Variants in FAT3 observed in about 807,000 individuals in gnomAD.
FAT3 encodes the protein protocadherin Fat 3.
Under a neutral mutation model 310.2 loss-of-function variants are expected in FAT3, and 95 were observed. The ratio of observed to expected loss-of-function variants is 0.31; its 90% CI spans 0.26 to 0.36. The LOEUF is 0.36. FAT3 is among the 10% of genes least tolerant of loss of function. The probability of loss-of-function intolerance (pLI) is 1.00; values close to 1 mark genes in which losing one functional copy is unlikely to be tolerated. For missense variants in FAT3, 5,408 were observed against 5,715.6 expected (o/e 0.95, Z 1.74); for synonymous variants, 2,314 against 2,192.9 (o/e 1.06, Z -1.54).
chr11:92,751,907 C>A (rs12224427), intron 4 of FAT3, among the ~76,000 whole-genome samples: 1 of 151,852 alleles, frequency 6.6e-6, no homozygotes, highest in Non-Finnish European at 1.5e-5. Flanking sequence ...TAAGCCTCAC[C>A]GTCTCCAGCT....
At chr11:92,244,614 T>C (rs573377636) in intron 1 of FAT3, among the ~76,000 whole-genome samples, 1 of 152,234 alleles carries the variant, frequency 6.6e-6, no homozygotes, top group African/African-American at 2.4e-5. Context: ...GGTGATTGTA[T>C]AGACCAGTAA....
intron 1 of FAT3, among the ~76,000 whole-genome samples, chr11:92,241,374 A>G (rs560959599): frequency 6.6e-6 from 1 of 152,188 alleles, no homozygotes; most frequent in Non-Finnish European, 1.5e-5. Context: ...ACACTTAATT[A>G]TATGCCAAGA....
chr11:92,864,909 A>T (rs1949200271), intron 21 of FAT3, among the ~76,000 whole-genome samples: 1 of 152,246 alleles, frequency 6.6e-6, no homozygotes, highest in Non-Finnish European at 1.5e-5. Context: ...CATTTGCATG[A>T]CAGAGCAAAG....
intron 1 of FAT3, among the ~76,000 whole-genome samples, chr11:92,320,875 A>C (rs902422507): frequency 7.5e-6 from 1 of 133,488 alleles, no homozygotes; most frequent in Admixed American, 7.0e-5. Context: ...ATCTCAAAAA[A>C]AAAAAGGGGG....
At chr11:92,514,098 T>G (rs923954657) in intron 2 of FAT3, among the ~76,000 whole-genome samples, 4 of 152,202 alleles carry the variant, frequency 2.6e-5, no homozygotes, top group African/African-American at 7.2e-5. Context: ...GTACACATTT[T>G]TTTCTAATAC....
chr11:92,648,442 G>C (rs940957265), intron 3 of FAT3, among the ~76,000 whole-genome samples: 3 of 152,158 alleles, frequency 2.0e-5, no homozygotes, highest in African/African-American at 7.2e-5. Context: ...TTTGGCAGTT[G>C]ATGACTCTCA....
chr11:92,335,946 TCAGAC>T, intron 1 of FAT3: 7 of 361,588 alleles, frequency 1.9e-5, no homozygotes, highest in Middle Eastern at 9.2e-4. Context: ...GATTTTTTTT[TCAGAC>T]TTTCAGCCCC....
At chr11:92,312,480 A>T (rs2134460015) in intron 1 of FAT3, among the ~76,000 whole-genome samples, 1 of 152,300 alleles carries the variant, frequency 6.6e-6, no homozygotes, top group East Asian at 1.9e-4. Flanking sequence ...TCACCCTTAA[A>T]AGGCTAATAG....
intron 1 of FAT3, among the ~76,000 whole-genome samples, chr11:92,340,188 C>T (rs1368586585): frequency 6.8e-6 from 1 of 146,772 alleles, no homozygotes; most frequent in African/African-American, 2.5e-5. Flanking sequence ...CAGTTTTGGT[C>T]TTTATTATCC....
intron 6 of FAT3, among the ~76,000 whole-genome samples, chr11:92,768,537 T>C (rs1275446285): frequency 3.3e-5 from 5 of 152,222 alleles, no homozygotes; most frequent in African/African-American, 1.2e-4. Context: ...AAATACCTAT[T>C]GTTTCCTTTA....
rs184783897 is a variant in FAT3, at chr11:92,254,830, C to T, written c.-18+29656C>T. 1.3e-4 allele frequency among the ~76,000 whole-genome samples: 20 copies of T among 152,142 alleles called. No homozygotes were observed. The East Asian group carries it at 3.1e-3, about 24-fold the overall frequency. On this transcript the variant is annotated intron_variant, in intron 1 of 27. Coordinates refer to ENST00000525166, the MANE Select transcript of FAT3 (RefSeq NM_001367949.2). The stretch of plus-strand genomic sequence containing the variant: ...AAGAGTTTCTCCTGCCTCAGCCTCC[C>T]GAGTAGCTGGGGCTACAGGCACCTG...
intron 17 of FAT3, 137 bp from the exon 18 acceptor site, chr11:92,840,425 T>C: frequency 1.4e-6 from 1 of 736,690 alleles, no homozygotes; most frequent in Non-Finnish European, 2.1e-6. Flanking sequence ...GAATCCCTTC[T>C]GCTGAAAGCC....
chr11:92,756,889 A>G (rs967954645), intron 4 of FAT3, among the ~76,000 whole-genome samples: 16 of 147,748 alleles, frequency 1.1e-4, no homozygotes, highest in Non-Finnish European at 2.2e-4. Flanking sequence ...CCTGGCATTC[A>G]CAGACCAATG....
At chr11:92,550,145 T>G (rs1194861701) in intron 3 of FAT3, among the ~76,000 whole-genome samples, 3 of 152,206 alleles carry the variant, frequency 2.0e-5, no homozygotes, top group Non-Finnish European at 4.4e-5. Context: ...TTAAATGGTA[T>G]TTCACAGATA....
At chr11:92,457,888 C>A (rs1192060842) in intron 2 of FAT3, among the ~76,000 whole-genome samples, 1 of 152,152 alleles carries the variant, frequency 6.6e-6, no homozygotes, top group Non-Finnish European at 1.5e-5. Context: ...TGCCACTGCA[C>A]TCCAGCCTGG....
intron 1 of FAT3, among the ~76,000 whole-genome samples, chr11:92,306,705 A>AAT (rs1379067483): frequency 3.2e-5 from 4 of 123,972 alleles, no homozygotes; most frequent in Non-Finnish European, 6.5e-5. Context: ...GAGGCTCATA[A>AAT]ATATATATAT....
chr11:92,594,997 ATGTG>A (rs56275316), intron 3 of FAT3, among the ~76,000 whole-genome samples: 131 of 149,204 alleles, frequency 8.8e-4, no homozygotes, highest in Middle Eastern at 3.4e-3. Flanking sequence ...TCATGAATAA[ATGTG>A]TGTGTGTGTG....
intron 1 of FAT3, among the ~76,000 whole-genome samples, chr11:92,276,081 A>T (rs1946262443): frequency 6.6e-6 from 1 of 152,190 alleles, no homozygotes; most frequent in African/African-American, 2.4e-5. Context: ...TTTTCTGCCA[A>T]ATTGTAGTTC....
intron 2 of FAT3, among the ~76,000 whole-genome samples, chr11:92,488,450 G>GCCACCGCCCCCCCCCC (rs1467231982): frequency 1.1e-4 from 1 of 9,334 alleles, no homozygotes; most frequent in African/African-American, 1.9e-4. Flanking sequence ...AACTAGCACC[G>GCCACCGCCCCCCCCCC]CCCCCCCCCC....
Sources: allele counts gnomAD v4.1 joint callset (sites outside exome capture counted in the v4.1 genomes callset), GRCh38; gene constraint gnomAD v4.1.1; transcripts MANE v1.5; gene names NCBI Gene and HGNC (gene_info 2026-07-23, HGNC 2026-07-21).